Variants in CELF2 observed in about 807,000 individuals in gnomAD.
The protein encoded by CELF2 is CUGBP Elav-like family member 2.
Under a neutral mutation model 62.6 loss-of-function variants are expected in CELF2, and 8 were observed. The ratio of observed to expected loss-of-function variants is 0.13; its 90% CI spans 0.07 to 0.23. The LOEUF (loss-of-function observed/expected upper bound fraction) is 0.23, where lower values mean the gene tolerates loss of function less well. Ranked by LOEUF, CELF2 falls within the 10% of genes least tolerant of loss-of-function variation. The pLI is 1.00. For missense variants in CELF2, 333 were observed against 671.0 expected, an observed-to-expected ratio of 0.50 and a Z score of 5.56; for synonymous variants, 258 against 250.0, an observed-to-expected ratio of 1.03 and a Z score of -0.30.
At chr10:10,646,881 C>G in the CELF2 span, among the ~76,000 whole-genome samples, 1 of 152,180 alleles carries the variant, frequency 6.6e-6, no homozygotes, top group South Asian at 2.1e-4. Context: ...AAGGGTGAAA[C>G]AGTTTGCCCC....
chr10:11,262,397 C>T (rs539115236), intron 5 of CELF2, among the ~76,000 whole-genome samples: 4 of 152,184 alleles, frequency 2.6e-5, no homozygotes, highest in Non-Finnish European at 5.9e-5. Context: ...CAAGCATGTA[C>T]ACAGAAATGA....
At chr10:10,700,201 C>G in the CELF2 span, among the ~76,000 whole-genome samples, 1 of 152,098 alleles carries the variant, frequency 6.6e-6, no homozygotes, top group Non-Finnish European at 1.5e-5. Flanking sequence ...AGGTTTTATT[C>G]AGGAAGAGGC....
intron 2 of CELF2, among the ~76,000 whole-genome samples, chr10:10,937,940 T>G (rs2046608523): frequency 6.6e-6 from 1 of 152,204 alleles, no homozygotes; most frequent in African/African-American, 2.4e-5. Context: ...GGTGTTAAAA[T>G]TGTCTTTGTT....
chr10:10,515,150 A>G, the CELF2 span, among the ~76,000 whole-genome samples: 1 of 152,190 alleles, frequency 6.6e-6, no homozygotes, highest in East Asian at 1.9e-4. Context: ...TGAGCAGGTG[A>G]CACACCCTCA....
At chr10:10,889,475 T>C (rs1429613456) in intron 1 of CELF2, among the ~76,000 whole-genome samples, 2 of 152,182 alleles carry the variant, frequency 1.3e-5, no homozygotes, top group Non-Finnish European at 2.9e-5. Flanking sequence ...TTATTGTGAG[T>C]AGTTTCTTCA....
chr10:11,241,575 C>G (rs976077081), intron 3 of CELF2, among the ~76,000 whole-genome samples: 1 of 152,186 alleles, frequency 6.6e-6, no homozygotes, highest in Non-Finnish European at 1.5e-5. Context: ...TTAAAGATAT[C>G]TTAGCAAGTT....
At chr10:11,050,738 C>T (rs370971552) in intron 1 of CELF2, among the ~76,000 whole-genome samples, 20 of 152,338 alleles carry the variant, frequency 1.3e-4, no homozygotes, top group Middle Eastern at 3.4e-3. Context: ...CCCTTCCACC[C>T]TGCATTGCCA....
At chr10:10,557,971 C>T in the CELF2 span, among the ~76,000 whole-genome samples, 1 of 138,444 alleles carries the variant, frequency 7.2e-6, no homozygotes, top group Non-Finnish European at 1.6e-5. Context: ...ACAATCATGT[C>T]GTCTGCAAAC....
At chr10:11,262,036 T>TA (rs2080804985) in intron 5 of CELF2, among the ~76,000 whole-genome samples, 1 of 152,062 alleles carries the variant, frequency 6.6e-6, no homozygotes, top group Non-Finnish European at 1.5e-5. Context: ...TAAAGGAGTT[T>TA]AATTTTTTTC....
Position 11,165,423 on chromosome 10 carries a change from A to AT in CELF2, c.75-57dup. On this transcript the variant is annotated intron_variant, in intron 1 of 12. Transcript: ENST00000633077. The surrounding 1 kb of genome is among the most constrained non-coding windows in gnomAD (Gnocchi z 7.4). Reference sequence around the variant, plus strand: ...GCCTCCCCGCTCCCCCACCCCCACTATTTTTTCTTCCTGTCCCTCATCGTG... The same window carrying AT: ...GCCTCCCCGCTCCCCCACCCCCACTATTTTTTTCTTCCTGTCCCTCATCGTG... 2 of 1,524,084 alleles carry AT rather than the reference A, an allele frequency of 1.3e-6. No homozygotes were observed. Among genetic ancestry groups the AT allele is most frequent in the Admixed American group, 2.0e-5 (1 of 50,478 alleles). 94.4% of individuals were successfully genotyped at this position (1,524,084 alleles called of 1,614,324 possible). A position where few individuals can be genotyped will look rare whatever the true frequency, so the allele number is the denominator to read the frequency against.
At chr10:10,767,914 T>G in the CELF2 span, among the ~76,000 whole-genome samples, 8 of 123,158 alleles carry the variant, frequency 6.5e-5, no homozygotes, top group Admixed American at 6.4e-4. Context: ...GAGAATGGCG[T>G]GAACCCGGGA....
intron 1 of CELF2, among the ~76,000 whole-genome samples, chr10:11,065,523 AG>A (rs2067869024): frequency 6.6e-6 from 1 of 152,168 alleles, no homozygotes; most frequent in Non-Finnish European, 1.5e-5. Context: ...TGGAATCATA[AG>A]GAGCTCCAGT....
At chr10:10,720,868 A>G in the CELF2 span, among the ~76,000 whole-genome samples, 1 of 152,208 alleles carries the variant, frequency 6.6e-6, no homozygotes, top group African/African-American at 2.4e-5. Flanking sequence ...CAGCCTATAA[A>G]GCACAATAAA....
At chr10:10,953,262 A>G (rs1385979788) in intron 2 of CELF2, among the ~76,000 whole-genome samples, 2 of 152,166 alleles carry the variant, frequency 1.3e-5, no homozygotes, top group African/African-American at 4.8e-5. Flanking sequence ...ACAGTCCATC[A>G]CTCATGTCAT....
rs1211269913 is a variant in CELF2, at chr10:11,305,057, G to A, written c.977-9082G>A. ...GCATCGGCATCTTCTGGTTCAACTC[G>A]GTGCCCCTCCTCCAGCCCTGGCCCA... On this transcript the variant is annotated intron_variant, in intron 9 of 12. Coordinates refer to ENST00000633077, the MANE Select transcript of CELF2 (RefSeq NM_001326342.2). This position sits in a 1 kb window ranked among gnomAD's most constrained non-coding sequence, Gnocchi z 4.8. 1.4e-5 allele frequency among the ~76,000 whole-genome samples: 1 copy of A among 71,928 alleles called. No individual in the cohort carries two copies. Among genetic ancestry groups the A allele is most frequent in the African/African-American group, 2.8e-5 (1 of 36,192 alleles). The allele number at this position is 71,928 out of a possible 152,430, so 47.2% of individuals were successfully genotyped here. A position where few individuals can be genotyped will look rare whatever the true frequency, so the allele number is the denominator to read the frequency against.
the CELF2 span, among the ~76,000 whole-genome samples, chr10:10,670,499 C>T: frequency 6.6e-6 from 1 of 152,052 alleles, no homozygotes; most frequent in Non-Finnish European, 1.5e-5. Context: ...CTCATAGATC[C>T]CTGCCCCCTG....
Position 10,955,917 on chromosome 10 carries a change from C to T in CELF2, c.89+35918C>T, listed in dbSNP as rs926262350. Among the ~76,000 whole-genome samples the T allele has an allele frequency of 5.3e-5, 8 of 152,126 alleles. No homozygotes were observed. In the East Asian group the frequency reaches 7.7e-4, roughly 15 times the overall value. On this transcript the variant is annotated intron_variant, in intron 2 of 13. Coordinates refer to the CELF2 transcript ENST00000636488. Reference sequence around the variant, plus strand: ...AAGCGACTTGCTAGCATCCCATGCCCGACCACAATAGTTTAAACACTAACC... The same window carrying T: ...AAGCGACTTGCTAGCATCCCATGCCTGACCACAATAGTTTAAACACTAACC...
At position 11,048,500 on chromosome 10, in the gene CELF2, C is replaced by T. The variant is rs147306774; in HGVS notation, c.74+30337C>T. 5.0e-3 allele frequency among the ~76,000 whole-genome samples: 755 copies of T among 152,254 alleles called. 26 individuals are homozygous for T. The highest frequency in any genetic ancestry group is 0.044 in the Admixed American group (669 of 15,298). ...GGTTATTTGTGACAGTAAATGTTCC[C>T]GTGCCACCAATCCTGGTTTTCTGTT... On this transcript the variant is annotated intron_variant, in intron 1 of 12. Transcript: ENST00000633077.
chr10:10,578,658 A>C, the CELF2 span, among the ~76,000 whole-genome samples: 1 of 152,092 alleles, frequency 6.6e-6, no homozygotes, highest in Non-Finnish European at 1.5e-5. Flanking sequence ...CCCAGCCCCA[A>C]AATCTAATTA....
Sources: gnomAD v4.1 joint callset for allele counts (sites outside exome capture counted in the v4.1 genomes callset) on GRCh38, gnomAD v4.1.1 for gene constraint, Gnocchi (gnomAD v3.1) non-coding constraint, MANE v1.5 for transcripts, NCBI Gene and HGNC (gene_info 2026-07-23, HGNC 2026-07-21) for gene names.